ARHGAP15: variants seen among roughly 807,000 people sequenced by gnomAD.
ARHGAP15 encodes the protein Rho GTPase activating protein 15.
ARHGAP15 carries 51 observed loss-of-function variants against 63.7 expected under a neutral mutation model. The observed-to-expected ratio is 0.80, with a 90% CI of 0.64 to 1.01. The LOEUF is 1.01. Ranked by LOEUF, ARHGAP15 falls within the 50% of genes least tolerant of loss-of-function variation. The probability of loss-of-function intolerance (pLI) is 0.00; values close to 1 mark genes in which losing one functional copy is unlikely to be tolerated. For missense variants in ARHGAP15, 560 were observed against 564.6 expected (o/e 0.99, Z 0.08); for synonymous variants, 191 against 193.8 (o/e 0.99, Z 0.12).
chr2:143,518,202 T>C (rs891020813), intron 9 of ARHGAP15, among the ~76,000 whole-genome samples: 10 of 152,184 alleles, frequency 6.6e-5, no homozygotes, highest in African/African-American at 2.4e-4. Flanking sequence ...ACCACAATTA[T>C]AAAAAACAAA....
rs114597747 is a variant in ARHGAP15 at position 143,510,562 on chromosome 2, G to A, written c.827-8704G>A. Among the ~76,000 whole-genome samples the A allele has an allele frequency of 4.1e-3, 620 of 152,178 alleles. 6 individuals are homozygous for A. Among genetic ancestry groups the A allele is most frequent in the African/African-American group, 0.014 (569 of 41,518 alleles). On this transcript the variant is annotated intron_variant, in intron 9 of 13. Transcript: ENST00000295095. ...TTCATTTCTGAATATCTCCAAGACTGGTCCCCTAGCCTCTCATAAATTCAT... is the reference window on the plus strand; with the variant it reads ...TTCATTTCTGAATATCTCCAAGACTAGTCCCCTAGCCTCTCATAAATTCAT...
chr2:143,313,332 T>C lies in ARHGAP15; in HGVS notation c.474+62732T>C, dbSNP rs1396486316. On this transcript the variant is annotated intron_variant, in intron 6 of 13. Coordinates refer to ENST00000295095, the MANE Select transcript of ARHGAP15 (RefSeq NM_018460.4). ...CAAGTAAACGATGCCAGATATTTTA[T>C]GGATAGAAAATTAAATACCCGCTTC... is the stretch of plus-strand genomic sequence containing the variant. 2.0e-5 allele frequency among the ~76,000 whole-genome samples: 3 copies of C among 152,312 alleles called. No homozygotes were observed. The East Asian group carries it at 5.8e-4, about 29-fold the overall frequency.
At chr2:143,313,852 T>C (rs1683563262) in intron 6 of ARHGAP15, among the ~76,000 whole-genome samples, 1 of 152,198 alleles carries the variant, frequency 6.6e-6, no homozygotes, top group South Asian at 2.1e-4. Flanking sequence ...CTTGGAACTT[T>C]TAACATTCAT....
At chr2:143,273,409 ATATCT>A (rs1205099597) in intron 6 of ARHGAP15, among the ~76,000 whole-genome samples, 5 of 152,284 alleles carry the variant, frequency 3.3e-5, no homozygotes, top group African/African-American at 4.8e-5. Flanking sequence ...TAAGTTGAAA[ATATCT>A]TAAGTTAAAG....
At chr2:143,463,549 G>C (rs180871337) in intron 8 of ARHGAP15, among the ~76,000 whole-genome samples, 1 of 150,484 alleles carries the variant, frequency 6.6e-6, no homozygotes, top group Non-Finnish European at 1.5e-5. Context: ...TTGGGGGGTG[G>C]GGGGGGAAGA....
chr2:143,589,838 G>A (rs1049635810), intron 11 of ARHGAP15, among the ~76,000 whole-genome samples: 1 of 152,160 alleles, frequency 6.6e-6, no homozygotes, highest in African/African-American at 2.4e-5. Context: ...AAGTGAAACT[G>A]TTAAAAAATT....
chr2:143,471,063 A>C (rs1047492921), intron 8 of ARHGAP15, among the ~76,000 whole-genome samples: 18 of 149,714 alleles, frequency 1.2e-4, no homozygotes, highest in African/African-American at 3.9e-4. Flanking sequence ...GCATATATAC[A>C]CATATGATAC....
intron 6 of ARHGAP15, among the ~76,000 whole-genome samples, chr2:143,397,563 A>G (rs1407644249): frequency 7.0e-6 from 1 of 142,086 alleles, no homozygotes; most frequent in Non-Finnish European, 1.5e-5. Context: ...ATTGGCAAAA[A>G]AAAACGAAGA....
intron 10 of ARHGAP15, among the ~76,000 whole-genome samples, chr2:143,543,722 T>C (rs1363378371): frequency 6.6e-6 from 1 of 152,166 alleles, no homozygotes; most frequent in Non-Finnish European, 1.5e-5. Context: ...AATGTAGATC[T>C]ATGTGACAAA....
chr2:143,457,938 A>G (rs947060864), intron 8 of ARHGAP15, among the ~76,000 whole-genome samples: 3 of 152,028 alleles, frequency 2.0e-5, no homozygotes, highest in Non-Finnish European at 4.4e-5. Context: ...ATTTTAGGTT[A>G]ACTAAACATA....
intron 9 of ARHGAP15, among the ~76,000 whole-genome samples, chr2:143,507,934 C>G (rs1437049345): frequency 1.3e-5 from 2 of 151,788 alleles, no homozygotes; most frequent in East Asian, 3.9e-4. Flanking sequence ...CACTACCCCC[C>G]TGATGAGCCT....
intron 6 of ARHGAP15, among the ~76,000 whole-genome samples, chr2:143,387,318 A>G (rs1687328044): frequency 6.6e-6 from 1 of 152,200 alleles, no homozygotes; most frequent in Non-Finnish European, 1.5e-5. Flanking sequence ...ACCACTGATA[A>G]TAAGTGACAA....
At chr2:143,370,383 G>C (rs1686496167) in intron 6 of ARHGAP15, among the ~76,000 whole-genome samples, 1 of 152,050 alleles carries the variant, frequency 6.6e-6, no homozygotes, top group Non-Finnish European at 1.5e-5. Flanking sequence ...AGCACTGGGA[G>C]ATATACCTAA....
intron 6 of ARHGAP15, among the ~76,000 whole-genome samples, chr2:143,300,019 C>A (rs145986328): frequency 6.6e-6 from 1 of 151,986 alleles, no homozygotes; most frequent in African/African-American, 2.4e-5. Context: ...AAGATACTTA[C>A]CTCATGTGAT....
At chr2:143,352,073 A>G (rs537728678) in intron 6 of ARHGAP15, among the ~76,000 whole-genome samples, 18 of 152,290 alleles carry the variant, frequency 1.2e-4, no homozygotes, top group African/African-American at 4.3e-4. Flanking sequence ...ATTGTCCTCA[A>G]CTTTCGAACA....
intron 13 of ARHGAP15, among the ~76,000 whole-genome samples, chr2:143,719,449 C>G (rs1289671225): frequency 6.6e-6 from 1 of 152,230 alleles, no homozygotes; most frequent in Non-Finnish European, 1.5e-5. Context: ...AATCATTTCA[C>G]ATCTCAGAAA....
At chr2:143,334,241 TAAG>T (rs1177035285) in intron 6 of ARHGAP15, among the ~76,000 whole-genome samples, 1 of 152,150 alleles carries the variant, frequency 6.6e-6, no homozygotes, top group Non-Finnish European at 1.5e-5. Context: ...CTGGTAAAAA[TAAG>T]AGTACTTTTT....
At chr2:143,197,444 CT>C (rs576765630) in intron 2 of ARHGAP15, among the ~76,000 whole-genome samples, 142 of 151,972 alleles carry the variant, frequency 9.3e-4, no homozygotes, top group Middle Eastern at 3.4e-3. Flanking sequence ...TTAGGAGAGA[CT>C]TTTTTCCCTT....
intron 6 of ARHGAP15, among the ~76,000 whole-genome samples, chr2:143,332,685 G>T (rs965212847): frequency 6.6e-6 from 1 of 152,042 alleles, no homozygotes; most frequent in Non-Finnish European, 1.5e-5. Context: ...TAGAGGTTAC[G>T]CCGATTGCTT....
Sources: gnomAD v4.1 joint callset for allele counts (sites outside exome capture counted in the v4.1 genomes callset) on GRCh38, gnomAD v4.1.1 for gene constraint, MANE v1.5 for transcripts, NCBI Gene and HGNC (gene_info 2026-07-23, HGNC 2026-07-21) for gene names.